The following ARB2A variants were observed in gnomAD, a reference collection of about 807,000 sequenced individuals.
ARB2A encodes ARB2 cotranscriptional regulator A.
the ARB2A span, among the ~76,000 whole-genome samples, chr5:93,748,817 C>T: frequency 2.0e-5 from 3 of 152,084 alleles, no homozygotes; most frequent in East Asian, 5.8e-4. Flanking sequence ...ATTAGAAACA[C>T]TGAGAATTAA....
chr5:93,627,438 G>GTTTTTTTTT, the ARB2A span, among the ~76,000 whole-genome samples: 16 of 108,080 alleles, frequency 1.5e-4, 1 homozygote, highest in African/African-American at 5.6e-4. Flanking sequence ...TACAAAATGT[G>GTTTTTTTTT]TTTTGTTTTT....
At chr5:93,828,260 C>T in the ARB2A span, among the ~76,000 whole-genome samples, 2 of 152,130 alleles carry the variant, frequency 1.3e-5, no homozygotes, top group East Asian at 1.9e-4. Context: ...TATCCTCTTT[C>T]ATTTCATTGA....
the ARB2A span, among the ~76,000 whole-genome samples, chr5:93,864,180 G>A: frequency 7.2e-5 from 11 of 152,198 alleles, no homozygotes; most frequent in Non-Finnish European, 5.9e-5. Context: ...ATAAAATGTA[G>A]GTGAAAATGT....
chr5:94,080,463 G>A, the ARB2A span, among the ~76,000 whole-genome samples: 1 of 151,964 alleles, frequency 6.6e-6, no homozygotes, highest in Non-Finnish European at 1.5e-5. Flanking sequence ...TAGTGAACTC[G>A]AGGTTCAACA....
At chr5:94,099,351 A>C in the ARB2A span, among the ~76,000 whole-genome samples, 2 of 152,088 alleles carry the variant, frequency 1.3e-5, no homozygotes, top group Non-Finnish European at 2.9e-5. Context: ...GTGGCTGGGC[A>C]CGGTGGCTCA....
chr5:93,688,136 G>T, the ARB2A span, among the ~76,000 whole-genome samples: 1 of 152,048 alleles, frequency 6.6e-6, no homozygotes, highest in Non-Finnish European at 1.5e-5. Context: ...ACCATACCTG[G>T]CTAATTTTTG....
the ARB2A span, among the ~76,000 whole-genome samples, chr5:93,913,771 T>G: frequency 3.9e-5 from 6 of 152,114 alleles, no homozygotes; most frequent in East Asian, 7.7e-4. Flanking sequence ...CTAAAATTTA[T>G]GGTTGCTGGT....
At chr5:93,812,042 G>A in the ARB2A span, among the ~76,000 whole-genome samples, 1 of 152,052 alleles carries the variant, frequency 6.6e-6, no homozygotes, top group Non-Finnish European at 1.5e-5. Flanking sequence ...TGGATATGAA[G>A]GTATCTGTTC....
At chr5:93,871,533 T>C in the ARB2A span, among the ~76,000 whole-genome samples, 1 of 152,210 alleles carries the variant, frequency 6.6e-6, no homozygotes, top group Non-Finnish European at 1.5e-5. Flanking sequence ...CAATTGCATA[T>C]CTGTTTGAGG....
the ARB2A span, chr5:93,824,030 A>G: frequency 1.3e-6 from 1 of 759,674 alleles, no homozygotes; most frequent in Admixed American, 3.2e-5. Flanking sequence ...TTTACTCAAA[A>G]TATGTTATTT....
chr5:93,911,084 C>T, the ARB2A span, among the ~76,000 whole-genome samples: 4 of 151,460 alleles, frequency 2.6e-5, no homozygotes, highest in Non-Finnish European at 5.9e-5. Context: ...TGGAAGAGTA[C>T]GTTTCTTTTT....
chr5:93,761,421 G>A, the ARB2A span, among the ~76,000 whole-genome samples: 2 of 152,326 alleles, frequency 1.3e-5, no homozygotes, highest in Admixed American at 1.3e-4. Context: ...CCCGCACGTG[G>A]CTCAGAGGGT....
At chr5:93,878,116 G>C in the ARB2A span, among the ~76,000 whole-genome samples, 2 of 152,056 alleles carry the variant, frequency 1.3e-5, no homozygotes, top group Admixed American at 6.6e-5. Flanking sequence ...GGATTGAGTG[G>C]GAAGTCAACA....
At chr5:94,053,225 A>C in the ARB2A span, 1 of 1,453,952 alleles carries the variant, frequency 6.9e-7, no homozygotes, top group Non-Finnish European at 9.4e-7. Flanking sequence ...CTAGATAATA[A>C]ATCTAGAAAA....
chr5:94,099,016 C>CAAATTG, the ARB2A span, among the ~76,000 whole-genome samples: 2 of 152,068 alleles, frequency 1.3e-5, no homozygotes, highest in Non-Finnish European at 2.9e-5. Context: ...AGCCCAGGAC[C>CAAATTG]TGATGGAGAC....
At chr5:94,051,553 T>C in the ARB2A span, among the ~76,000 whole-genome samples, 2 of 152,222 alleles carry the variant, frequency 1.3e-5, no homozygotes, top group African/African-American at 2.4e-5. Context: ...CTGCAGCATC[T>C]GGTCATTTCC....
the ARB2A span, among the ~76,000 whole-genome samples, chr5:93,893,980 T>A: frequency 6.6e-6 from 1 of 152,158 alleles, no homozygotes; most frequent in Non-Finnish European, 1.5e-5. Context: ...GCAGCTAAAC[T>A]TTTTTCAAAA....
chr5:94,107,597 A>C, the ARB2A span, among the ~76,000 whole-genome samples: 1 of 152,144 alleles, frequency 6.6e-6, no homozygotes, highest in Non-Finnish European at 1.5e-5. Flanking sequence ...GGATTATTAA[A>C]AATGCCCTTC....
the ARB2A span, among the ~76,000 whole-genome samples, chr5:93,792,102 G>C: frequency 1.3e-5 from 2 of 152,104 alleles, no homozygotes; most frequent in African/African-American, 2.4e-5. Context: ...TATTATATAA[G>C]AGACAAGTTA....
Sources: gnomAD v4.1 joint callset for allele counts (sites outside exome capture counted in the v4.1 genomes callset) on GRCh38, gnomAD v4.1.1 for gene constraint, MANE v1.5 for transcripts, NCBI Gene and HGNC (gene_info 2026-07-23, HGNC 2026-07-21) for gene names.